LIMCH1: variants seen among roughly 807,000 people sequenced by gnomAD.
LIMCH1 encodes the protein LIM and calponin homology domains-containing protein 1.
In LIMCH1, 113 loss-of-function variants were observed where a neutral mutation model predicts 176.5. The ratio of observed to expected loss-of-function variants is 0.64; its 90% CI spans 0.55 to 0.75. LIMCH1 has a LOEUF of 0.75. Among genes scored for constraint, LIMCH1 ranks in the 30% least tolerant of loss-of-function variants. The pLI is 0.00. For missense variants in LIMCH1, 1,674 were observed against 1,814.9 expected (o/e 0.92, Z 1.41); for synonymous variants, 619 against 645.9 (o/e 0.96, Z 0.63).
intron 1 of LIMCH1, among the ~76,000 whole-genome samples, chr4:41,394,403 C>A (rs990353460): frequency 6.6e-6 from 1 of 152,250 alleles, no homozygotes; most frequent in Non-Finnish European, 1.5e-5. Context: ...CTGTTAAATT[C>A]TTAAATTTCA....
chr4:41,577,895 C>G (rs889368747), intron 1 of LIMCH1, among the ~76,000 whole-genome samples: 2 of 152,308 alleles, frequency 1.3e-5, no homozygotes, highest in Admixed American at 6.5e-5. Flanking sequence ...TTTAAGCGAT[C>G]TCTTGTTGTT....
At chr4:41,675,237 C>T (rs2095176063) in intron 22 of LIMCH1, among the ~76,000 whole-genome samples, 3 of 152,168 alleles carry the variant, frequency 2.0e-5, no homozygotes, top group Admixed American at 2.0e-4. Flanking sequence ...CTTCCCTGGG[C>T]CAGCCCACCC....
chr4:41,557,321 A>G (rs185397242), intron 1 of LIMCH1, among the ~76,000 whole-genome samples: 66 of 152,258 alleles, frequency 4.3e-4, no homozygotes, highest in Admixed American at 3.3e-3. Context: ...AAGCTTCGTA[A>G]AAAGGGTTAT....
intron 1 of LIMCH1, among the ~76,000 whole-genome samples, chr4:41,430,768 G>A (rs2061538724): frequency 6.6e-6 from 1 of 152,108 alleles, no homozygotes; most frequent in South Asian, 2.1e-4. Flanking sequence ...TCATTTTTGT[G>A]GTTTTGCCAT....
chr4:41,625,733 C>T (rs1444244927), intron 7 of LIMCH1, among the ~76,000 whole-genome samples: 2 of 152,152 alleles, frequency 1.3e-5, no homozygotes, highest in Admixed American at 6.5e-5. Context: ...AATTTGCAGC[C>T]TGGCTGGGTT....
intron 3 of LIMCH1, among the ~76,000 whole-genome samples, chr4:41,526,866 C>T (rs2076712115): frequency 6.6e-6 from 1 of 152,244 alleles, no homozygotes; most frequent in Non-Finnish European, 1.5e-5. Context: ...GTCTACTTGT[C>T]TGCATTTCCT....
At chr4:41,469,750 C>T (rs1222519471) in intron 1 of LIMCH1, among the ~76,000 whole-genome samples, 5 of 151,774 alleles carry the variant, frequency 3.3e-5, no homozygotes, top group South Asian at 2.1e-4. Context: ...GGCACAATCT[C>T]GGCTCACTGC....
chr4:41,430,465 C>T (rs553200218), intron 1 of LIMCH1, among the ~76,000 whole-genome samples: 1 of 152,252 alleles, frequency 6.6e-6, no homozygotes, highest in South Asian at 2.1e-4. Context: ...AGTTTCACCA[C>T]GTTGGCTAGG....
chr4:41,508,816 G>A (rs2074487438), intron 2 of LIMCH1, among the ~76,000 whole-genome samples: 1 of 152,156 alleles, frequency 6.6e-6, no homozygotes, highest in African/African-American at 2.4e-5. Context: ...CTCAGAAAAG[G>A]CCTGCCTTGC....
At chr4:41,560,380 C>T (rs2081909558) in intron 1 of LIMCH1, among the ~76,000 whole-genome samples, 2 of 152,166 alleles carry the variant, frequency 1.3e-5, no homozygotes, top group African/African-American at 2.4e-5. Flanking sequence ...AGAAGGCTTT[C>T]AGGGCCACAC....
At chr4:41,487,934 A>G (rs902122633) in intron 1 of LIMCH1, among the ~76,000 whole-genome samples, 1 of 142,318 alleles carries the variant, frequency 7.0e-6, no homozygotes, top group Admixed American at 6.9e-5. Flanking sequence ...TTTTTTTTCT[A>G]TAGATTCTTA....
intron 2 of LIMCH1, among the ~76,000 whole-genome samples, chr4:41,510,415 G>A (rs1384611905): frequency 1.3e-5 from 2 of 152,130 alleles, no homozygotes; most frequent in Non-Finnish European, 2.9e-5. Context: ...AGCTCTAATT[G>A]TATTTCCTTA....
chr4:41,542,602 G>T (rs1407832492), intron 1 of LIMCH1, among the ~76,000 whole-genome samples: 1 of 152,036 alleles, frequency 6.6e-6, no homozygotes, highest in African/African-American at 2.4e-5. Flanking sequence ...CTTTAAATAG[G>T]CTGTGCTATT....
intron 3 of LIMCH1, among the ~76,000 whole-genome samples, chr4:41,531,656 A>G (rs887376717): frequency 2.0e-5 from 3 of 152,040 alleles, no homozygotes; most frequent in African/African-American, 7.2e-5. Context: ...AGCTCTTTCC[A>G]GTGCAAATCA....
intron 1 of LIMCH1, among the ~76,000 whole-genome samples, chr4:41,393,982 A>G (rs889698242): frequency 6.6e-6 from 1 of 152,224 alleles, no homozygotes; most frequent in Non-Finnish European, 1.5e-5. Flanking sequence ...TGGGAATAAC[A>G]TAAAATATCC....
intron 1 of LIMCH1, among the ~76,000 whole-genome samples, chr4:41,369,402 T>G (rs1169471351): frequency 3.3e-5 from 5 of 152,176 alleles, no homozygotes; most frequent in Admixed American, 2.0e-4. Context: ...AGAAGGATCT[T>G]TTACCCCAGG....
At chr4:41,452,368 C>T (rs1449009772) in intron 1 of LIMCH1, among the ~76,000 whole-genome samples, 1 of 152,164 alleles carries the variant, frequency 6.6e-6, no homozygotes, top group Non-Finnish European at 1.5e-5. Flanking sequence ...AATATTTTCC[C>T]TGCCAATGGC....
chr4:41,500,912 G>A (rs62411136), intron 2 of LIMCH1, among the ~76,000 whole-genome samples: 30 of 152,184 alleles, frequency 2.0e-4, no homozygotes, highest in Non-Finnish European at 3.8e-4. Context: ...TAGAGTGGTT[G>A]AGACCAGATG....
At chr4:41,607,707 G>C (rs2090912548) in intron 4 of LIMCH1, among the ~76,000 whole-genome samples, 1 of 152,158 alleles carries the variant, frequency 6.6e-6, no homozygotes. Context: ...AACTCTCCTA[G>C]CTTCTCTTTC....
Sources: gnomAD v4.1 joint callset for allele counts (sites outside exome capture counted in the v4.1 genomes callset) on GRCh38, gnomAD v4.1.1 for gene constraint, MANE v1.5 for transcripts, NCBI Gene and HGNC (gene_info 2026-07-23, HGNC 2026-07-21) for gene names.